SLC9A3: variants seen among roughly 807,000 people sequenced by gnomAD.
SLC9A3 encodes the protein solute carrier family 9 member A3.
Under a neutral mutation model 86.8 loss-of-function variants are expected in SLC9A3, and 37 were observed. The ratio of observed to expected loss-of-function variants is 0.43; its 90% CI spans 0.33 to 0.56. SLC9A3 has a LOEUF of 0.56. SLC9A3 is among the 20% of genes least tolerant of loss of function. The pLI is 0.06. For synonymous variants in SLC9A3, 581 were observed against 528.3 expected (o/e 1.10, Z -1.37); for missense variants, 1,011 against 1,171.9 (o/e 0.86, Z 2.00).
At chr5:475,950 G>C (rs1738699116) in intron 14 of SLC9A3, 70 bp downstream of exon 14, 3 of 1,350,688 alleles carry the variant, frequency 2.2e-6, no homozygotes, top group Admixed American at 4.5e-5. Context: ...GGAGGTTCCC[G>C]AGCCGGGAGG....
rs369878449 is a variant in SLC9A3, at chr5:470,743, T to G, written c.*2636A>C. 4 of 152,320 alleles carry G rather than the reference T, an allele frequency of 2.6e-5. No homozygotes were observed. Among genetic ancestry groups the G allele is most frequent in the African/African-American group, 9.6e-5 (4 of 41,458 alleles). The allele number at this position is 152,320 out of a possible 1,614,324, so 9.4% of individuals were successfully genotyped here. A position where few individuals can be genotyped will look rare whatever the true frequency, so the allele number is the denominator to read the frequency against. ...AATTCTTTGCTTTCACAATAGAAGA[T>G]CAATGGTACACAGTATATTGAACTC... On this transcript the variant is annotated 3_prime_UTR_variant, in exon 17 of 17. Transcript: ENST00000264938.
intron 1 of SLC9A3, among the ~76,000 whole-genome samples, chr5:504,435 G>A (rs1437518488): frequency 1.3e-5 from 2 of 152,204 alleles, no homozygotes; most frequent in Non-Finnish European, 2.9e-5. Context: ...ACCTTGAGCC[G>A]CTGCAGGGGC....
rs574330247 is a variant in SLC9A3, at chr5:478,059, C to T, written c.1648-615G>A. The T allele has an allele frequency of 3.5e-3, 540 of 152,512 alleles. 2 individuals are homozygous for T. Among genetic ancestry groups the T allele is most frequent in the Non-Finnish European group, 4.8e-3 (326 of 68,204 alleles). 9.4% of individuals were successfully genotyped at this position (152,512 alleles called of 1,614,324 possible). Reference sequence around the variant, plus strand: ...GGCAGGGGCACGGGTGTGGAGGGAACGTCAGCTCACTGCACTCAGACCTCG... The same window carrying T: ...GGCAGGGGCACGGGTGTGGAGGGAATGTCAGCTCACTGCACTCAGACCTCG... On this transcript the variant is annotated intron_variant, in intron 10 of 16. Coordinates refer to ENST00000264938, the MANE Select transcript of SLC9A3 (RefSeq NM_004174.4).
At chr5:515,271 T>C (rs1343184868) in intron 1 of SLC9A3, among the ~76,000 whole-genome samples, 3 of 152,002 alleles carry the variant, frequency 2.0e-5, no homozygotes, top group African/African-American at 7.2e-5. Context: ...CCGCTCCCCA[T>C]TTGTGGAATT....
intron 2 of SLC9A3, among the ~76,000 whole-genome samples, chr5:490,799 C>T (rs569647386): frequency 1.7e-3 from 255 of 152,354 alleles, no homozygotes; most frequent in Non-Finnish European, 2.7e-3. Flanking sequence ...GACGGGCCTG[C>T]CATCCATGAG....
intron 1 of SLC9A3, among the ~76,000 whole-genome samples, chr5:518,611 G>A (rs960086517): frequency 6.6e-6 from 1 of 152,218 alleles, no homozygotes; most frequent in Non-Finnish European, 1.5e-5. Flanking sequence ...CAGATGATGT[G>A]CAGGATGGGA....
rs1258502049 is a variant in SLC9A3, at chr5:472,074, A to G, written c.*1305T>C. On this transcript the variant is annotated 3_prime_UTR_variant, in exon 17 of 17. Coordinates refer to ENST00000264938, the MANE Select transcript of SLC9A3 (RefSeq NM_004174.4). ...CACTTCCACCGTGCAGGCAGGTTTC[A>G]GGTGGGTTGGACCCTGTGGGACTTG... 3 of 449,020 alleles carry G rather than the reference A, an allele frequency of 6.7e-6. No homozygotes were observed. Among genetic ancestry groups the G allele is most frequent in the African/African-American group, 2.0e-5 (1 of 49,872 alleles). 27.8% of individuals were successfully genotyped at this position (449,020 alleles called of 1,614,324 possible).
At chr5:492,124 GTCAGGGCCGGGC>G (rs1739778722) in intron 1 of SLC9A3, 53 bp from the exon 2 acceptor site, 4 of 959,486 alleles carry the variant, frequency 4.2e-6, no homozygotes, top group East Asian at 6.9e-5. Flanking sequence ...GGGGAGGGAG[GTCAGGGCCGGGC>G]TGTGAGGGAG....
intron 1 of SLC9A3, among the ~76,000 whole-genome samples, chr5:523,717 C>T (rs1463416329): frequency 6.6e-6 from 1 of 152,070 alleles, no homozygotes. Flanking sequence ...TTGTAACTCA[C>T]GAAAAAACGC....
At chr5:498,713 C>T (rs1740137816) in intron 1 of SLC9A3, among the ~76,000 whole-genome samples, 1 of 152,240 alleles carries the variant, frequency 6.6e-6, no homozygotes, top group Admixed American at 6.5e-5. Flanking sequence ...ACCGTGTCTT[C>T]TCCCCTTGCT....
Position 484,714 on chromosome 5 carries a change from C to G in SLC9A3, c.755-17G>C, listed in dbSNP as rs752037981. On this transcript the variant is annotated splice_polypyrimidine_tract_variant and intron_variant, in intron 4 of 16. Transcript: ENST00000264938. ...AGAAGGACACTGGGTAGAGGACGCC[C>G]TTTGTGGCCGTGCCGGCCTTCCGGG... The G allele has an allele frequency of 6.8e-6, 11 of 1,610,546 alleles. No homozygotes were observed. Among genetic ancestry groups the G allele is most frequent in the Non-Finnish European group, 9.3e-6 (11 of 1,178,128 alleles).
At position 472,195 on chromosome 5, in the gene SLC9A3, G is replaced by T. The variant is rs1422880098; in HGVS notation, c.*1184C>A. On this transcript the variant is annotated 3_prime_UTR_variant, in exon 17 of 17. Transcript: ENST00000264938. Reference sequence around the variant, plus strand: ...GACTGTGCCTCCCAGAGCTTGGGCTGGATGGTCTCCCTGCAGAGGACCAGG... The same window carrying T: ...GACTGTGCCTCCCAGAGCTTGGGCTTGATGGTCTCCCTGCAGAGGACCAGG... 6.9e-5 allele frequency: 25 copies of T among 363,406 alleles called. No homozygotes were observed. The highest frequency in any genetic ancestry group is 1.2e-4 in the Non-Finnish European group (22 of 185,290). 22.5% of individuals were successfully genotyped at this position (363,406 alleles called of 1,614,324 possible). A position where few individuals can be genotyped will look rare whatever the true frequency, so the allele number is the denominator to read the frequency against.
At chr5:513,846 C>T (rs571605219) in intron 1 of SLC9A3, among the ~76,000 whole-genome samples, 4 of 152,358 alleles carry the variant, frequency 2.6e-5, no homozygotes, top group East Asian at 1.9e-4. Context: ...GGATTTAGGT[C>T]GAACGCAGCT....
chr5:512,282 ACGAGCCC>A (rs1312102890), intron 1 of SLC9A3, among the ~76,000 whole-genome samples: 1 of 145,628 alleles, frequency 6.9e-6, no homozygotes, highest in African/African-American at 2.6e-5. Context: ...TGTACCAAGA[ACGAGCCC>A]TAACGTAAAC....
At chr5:521,792 C>T (rs1226700421) in intron 1 of SLC9A3, among the ~76,000 whole-genome samples, 13 of 152,150 alleles carry the variant, frequency 8.5e-5, no homozygotes, top group Non-Finnish European at 1.0e-4. Context: ...AGGTCGTGCA[C>T]CTGAGGCTGG....
intron 5 of SLC9A3, 110 bp from the exon 6 acceptor site, chr5:483,592 G>A: frequency 3.8e-6 from 3 of 792,772 alleles, no homozygotes; most frequent in Non-Finnish European, 6.3e-6. Flanking sequence ...AGTCACAGTT[G>A]TGTGGTTACG....
In SLC9A3 at chr5:471,490, G is replaced by A; in HGVS notation, c.*1889C>T. 1 of 343,290 alleles carries A rather than the reference G, an allele frequency of 2.9e-6. No homozygotes were observed. 21.3% of individuals were successfully genotyped at this position (343,290 alleles called of 1,614,324 possible). On this transcript the variant is annotated 3_prime_UTR_variant, in exon 17 of 17. Transcript: ENST00000264938. ...CGGAAACCTCCCAGCAGTTCAGATG[G>A]GACAAACTGGGGGCCTGTCAGAACA...
chr5:524,306 GC>G lies in SLC9A3; in HGVS notation c.16del (p.Ala6ProfsTer105), dbSNP rs1410456545. The G allele has an allele frequency of 1.6e-6, 2 of 1,281,590 alleles. No homozygotes were observed. Among genetic ancestry groups the G allele is most frequent in the Non-Finnish European group, 9.9e-7 (1 of 1,010,594 alleles). The allele number at this position is 1,281,590 out of a possible 1,614,324, so 79.4% of individuals were successfully genotyped here. A position where few individuals can be genotyped will look rare whatever the true frequency, so the allele number is the denominator to read the frequency against. ...CAGCAGCCCCCGGTCGGGGCCCCGG[GC>G]CCCGAGTCCCCACATTGCCGCCTGC... MWGLG[A>X]RGPDRGLLLA... On this transcript the variant is annotated frameshift_variant, in exon 1 of 17. Transcript: ENST00000264938. LOFTEE classifies it high-confidence loss of function.
At chr5:521,110 C>T (rs1003899837) in intron 1 of SLC9A3, among the ~76,000 whole-genome samples, 6 of 152,238 alleles carry the variant, frequency 3.9e-5, no homozygotes, top group African/African-American at 9.6e-5. Flanking sequence ...GGGAGGTCTG[C>T]GCTGTGGAGT....
Sources: gnomAD v4.1 joint callset for allele counts (sites outside exome capture counted in the v4.1 genomes callset) on GRCh38, gnomAD v4.1.1 for gene constraint, MANE v1.5 for transcripts, NCBI Gene and HGNC (gene_info 2026-07-23, HGNC 2026-07-21) for gene names.